PLEKHA7: variants seen among roughly 807,000 people sequenced by gnomAD.
PLEKHA7 encodes the protein pleckstrin homology domain containing A7.
PLEKHA7 carries 104 observed loss-of-function variants against 170.0 expected under a neutral mutation model. That is an observed-to-expected ratio of 0.61 (90% CI 0.52 to 0.72). The LOEUF is 0.72. PLEKHA7 is among the 30% of genes least tolerant of loss of function. The pLI, the probability that PLEKHA7 is intolerant of heterozygous loss-of-function variation, is 0.00. For synonymous variants in PLEKHA7, 648 were observed against 660.8 expected, an observed-to-expected ratio of 0.98 and a Z score of 0.30; for missense variants, 1,615 against 1,671.7, an observed-to-expected ratio of 0.97 and a Z score of 0.59.
intron 3 of PLEKHA7, among the ~76,000 whole-genome samples, chr11:17,010,144 T>C (rs866933703): frequency 1.3e-5 from 2 of 151,970 alleles, no homozygotes; most frequent in African/African-American, 4.8e-5. Flanking sequence ...TCCGAGCACT[T>C]TGGGAGGCTG....
intron 3 of PLEKHA7, among the ~76,000 whole-genome samples, chr11:16,978,829 G>A (rs1383626138): frequency 7.2e-5 from 11 of 152,126 alleles, no homozygotes; most frequent in Admixed American, 3.3e-4. Context: ...CATATACAGA[G>A]TTTACCCTTT....
intron 13 of PLEKHA7, among the ~76,000 whole-genome samples, chr11:16,809,094 T>C (rs1188014886): frequency 6.6e-6 from 1 of 152,230 alleles, no homozygotes; most frequent in Non-Finnish European, 1.5e-5. Flanking sequence ...TTAATCAATG[T>C]GAGTCCTTTT....
chr11:16,947,005 A>G (rs1424704124), intron 3 of PLEKHA7, among the ~76,000 whole-genome samples: 1 of 152,182 alleles, frequency 6.6e-6, no homozygotes, highest in Non-Finnish European at 1.5e-5. Flanking sequence ...TCCAAAACGC[A>G]GCTGCGCCAG....
intron 3 of PLEKHA7, among the ~76,000 whole-genome samples, chr11:16,982,960 C>T (rs1393084345): frequency 2.6e-5 from 4 of 152,184 alleles, no homozygotes; most frequent in African/African-American, 9.7e-5. Flanking sequence ...CCCTTCCTGA[C>T]CTGGCTCACC....
intron 4 of PLEKHA7, among the ~76,000 whole-genome samples, chr11:16,857,482 C>A (rs900401327): frequency 3.3e-5 from 5 of 152,234 alleles, no homozygotes; most frequent in African/African-American, 1.2e-4. Flanking sequence ...AGCAAGATAA[C>A]CGCTGATCAG....
chr11:16,887,378 GTCTGCCTCTCCCTCTCCCCACGGTCTCCC>G (rs1285310026), intron 3 of PLEKHA7, among the ~76,000 whole-genome samples: 1 of 146,686 alleles, frequency 6.8e-6, no homozygotes, highest in Non-Finnish European at 1.5e-5. Context: ...TCTCCCCACG[GTCTGCCTCTCCCTCTCCCCACGGTCTCCC>G]TCTCCCTCTC....
intron 8 of PLEKHA7, chr11:16,842,418 G>A (rs907704763): frequency 5.9e-5 from 9 of 152,238 alleles, no homozygotes; most frequent in African/African-American, 2.2e-4. Context: ...CCCTGAGAGA[G>A]GAGGACCGGT....
At chr11:16,922,106 C>G (rs1047676241) in intron 3 of PLEKHA7, among the ~76,000 whole-genome samples, 6 of 152,124 alleles carry the variant, frequency 3.9e-5, no homozygotes, top group Non-Finnish European at 8.8e-5. Flanking sequence ...TCAGATGAAA[C>G]CCTTCTAGGA....
intron 3 of PLEKHA7, among the ~76,000 whole-genome samples, chr11:16,924,144 C>T (rs1859307199): frequency 6.6e-6 from 1 of 152,116 alleles, no homozygotes; most frequent in Non-Finnish European, 1.5e-5. Flanking sequence ...AAACAGGACA[C>T]CTTGTACAAC....
chr11:16,965,762 A>T (rs905775198), intron 3 of PLEKHA7, among the ~76,000 whole-genome samples: 3 of 152,228 alleles, frequency 2.0e-5, no homozygotes, highest in African/African-American at 7.2e-5. Context: ...CGATCTTCCC[A>T]TCTATGAAAT....
chr11:16,802,609 G>T (rs1445820774), intron 15 of PLEKHA7, among the ~76,000 whole-genome samples: 11 of 151,842 alleles, frequency 7.2e-5, no homozygotes. Flanking sequence ...ATACAGTGGC[G>T]TGATCTCGGC....
intron 4 of PLEKHA7, among the ~76,000 whole-genome samples, chr11:16,858,378 T>C (rs1008407265): frequency 3.3e-5 from 5 of 152,252 alleles, no homozygotes; most frequent in African/African-American, 4.8e-5. Context: ...CAACTTTAGA[T>C]GTGCCATTCC....
chr11:16,943,257 AC>A (rs1460244672), intron 3 of PLEKHA7, among the ~76,000 whole-genome samples: 1 of 151,696 alleles, frequency 6.6e-6, no homozygotes, highest in Non-Finnish European at 1.5e-5. Flanking sequence ...GCAATACTTT[AC>A]TTTTTTTTTT....
intron 3 of PLEKHA7, among the ~76,000 whole-genome samples, chr11:16,892,696 C>T (rs1590507913): frequency 6.9e-6 from 1 of 144,772 alleles, no homozygotes; most frequent in Non-Finnish European, 1.5e-5. Context: ...GTCTCAAACT[C>T]CTGAGCTCAC....
At chr11:16,878,811 G>A (rs1038565481) in intron 3 of PLEKHA7, among the ~76,000 whole-genome samples, 11 of 152,192 alleles carry the variant, frequency 7.2e-5, no homozygotes, top group African/African-American at 2.7e-4. Context: ...CTGGACTCAA[G>A]TAACAGAGAC....
intron 26 of PLEKHA7, chr11:16,780,927 G>A (rs1848974883): frequency 4.3e-6 from 4 of 940,968 alleles, no homozygotes; most frequent in Non-Finnish European, 5.1e-6. Flanking sequence ...AAGCACACCA[G>A]ACAGGGGCTC....
chr11:16,864,243 A>G (rs1448685559), intron 4 of PLEKHA7, among the ~76,000 whole-genome samples: 4 of 152,204 alleles, frequency 2.6e-5, no homozygotes, highest in South Asian at 2.1e-4. Flanking sequence ...CTTAGTATTC[A>G]TGATAATAAT....
At chr11:16,781,582 C>T (rs1200913854) in intron 26 of PLEKHA7, among the ~76,000 whole-genome samples, 4 of 152,334 alleles carry the variant, frequency 2.6e-5, no homozygotes, top group Middle Eastern at 3.4e-3. Flanking sequence ...ACACCGGCCA[C>T]CTCTCAGCCC....
chr11:16,797,054 T>C (rs1425279048), intron 17 of PLEKHA7, among the ~76,000 whole-genome samples: 1 of 151,586 alleles, frequency 6.6e-6, no homozygotes, highest in Non-Finnish European at 1.5e-5. Flanking sequence ...TATATATCAA[T>C]TAAAAAAAAA....
Sources: gnomAD v4.1 joint callset for allele counts (sites outside exome capture counted in the v4.1 genomes callset) on GRCh38, gnomAD v4.1.1 for gene constraint, MANE v1.5 for transcripts, NCBI Gene and HGNC (gene_info 2026-07-23, HGNC 2026-07-21) for gene names.